The following LRRC4C variants were observed in gnomAD, a reference collection of about 807,000 sequenced individuals.
The protein encoded by LRRC4C is leucine-rich repeat-containing protein 4C.
LRRC4C carries 5 observed loss-of-function variants against 33.6 expected under a neutral mutation model. The ratio of observed to expected loss-of-function variants is 0.15; its 90% CI spans 0.08 to 0.31. The LOEUF (loss-of-function observed/expected upper bound fraction) is 0.31, where lower values mean the gene tolerates loss of function less well. Ranked by LOEUF, LRRC4C falls within the 10% of genes least tolerant of loss-of-function variation. The probability of loss-of-function intolerance (pLI) is 1.00; values close to 1 mark genes in which losing one functional copy is unlikely to be tolerated. For missense variants in LRRC4C, 560 were observed against 796.7 expected (o/e 0.70, Z 3.58); for synonymous variants, 329 against 302.0 (o/e 1.09, Z -0.93).
intron 4 of LRRC4C, among the ~76,000 whole-genome samples, chr11:40,252,807 T>G (rs1866893165): frequency 6.6e-6 from 1 of 152,184 alleles, no homozygotes; most frequent in Non-Finnish European, 1.5e-5. Context: ...TATGGCATAT[T>G]TTATGTTTAT....
chr11:40,228,658 T>C (rs980045138), intron 5 of LRRC4C, among the ~76,000 whole-genome samples: 1 of 152,194 alleles, frequency 6.6e-6, no homozygotes, highest in Non-Finnish European at 1.5e-5. Context: ...ATCCCTTGCT[T>C]GTGGAAGAAT....
chr11:40,777,585 C>T (rs1950057035), intron 2 of LRRC4C, among the ~76,000 whole-genome samples: 4 of 149,770 alleles, frequency 2.7e-5, no homozygotes, highest in African/African-American at 2.5e-5. Flanking sequence ...TTTCTGTTTG[C>T]ATGGTAAATC....
intron 5 of LRRC4C, among the ~76,000 whole-genome samples, chr11:40,207,440 A>G (rs1423313352): frequency 6.6e-6 from 1 of 152,068 alleles, no homozygotes; most frequent in Admixed American, 6.6e-5. Flanking sequence ...CATCCCTACA[A>G]ATGATTTAAA....
In LRRC4C at chr11:40,245,463, CAT is replaced by C. The variant is rs760251258; in HGVS notation, c.-175-3867_-175-3866del. Among the ~76,000 whole-genome samples the C allele has an allele frequency of 1.1e-4, 16 of 152,292 alleles. No individual in the cohort carries two copies. In the East Asian group the frequency reaches 1.2e-3, roughly 11 times the overall value. On this transcript the variant is annotated intron_variant, in intron 4 of 6. Coordinates refer to ENST00000528697, the MANE Select transcript of LRRC4C (RefSeq NM_001258419.2). ...TTTGCTTTTAATGGAAAAGCCCACA[CAT>C]GTTACAGAATCTGTACTAGTCAATG... is the stretch of plus-strand genomic sequence containing the variant.
At chr11:40,431,345 A>G (rs1454351026) in intron 3 of LRRC4C, among the ~76,000 whole-genome samples, 1 of 148,080 alleles carries the variant, frequency 6.8e-6, no homozygotes, top group Non-Finnish European at 1.5e-5. Context: ...CAGTGAGCCA[A>G]CATCGTGCCA....
intron 1 of LRRC4C, among the ~76,000 whole-genome samples, chr11:41,419,136 A>T (rs1954788447): frequency 6.6e-6 from 1 of 151,750 alleles, no homozygotes; most frequent in South Asian, 2.1e-4. Flanking sequence ...CTAAATACAA[A>T]CTTCCTGTCC....
chr11:40,948,993 G>A (rs370091863), intron 1 of LRRC4C, among the ~76,000 whole-genome samples: 6 of 151,946 alleles, frequency 3.9e-5, no homozygotes, highest in East Asian at 1.9e-4. Flanking sequence ...AACAGTGTAA[G>A]AGTGTTCCTA....
chr11:40,743,149 T>A (rs1400653893), intron 2 of LRRC4C, among the ~76,000 whole-genome samples: 1 of 152,102 alleles, frequency 6.6e-6, no homozygotes, highest in Non-Finnish European at 1.5e-5. Flanking sequence ...TATTCCCTGG[T>A]ATTCAATGAA....
intron 1 of LRRC4C, among the ~76,000 whole-genome samples, chr11:40,937,920 G>A (rs953768205): frequency 2.0e-5 from 3 of 152,024 alleles, no homozygotes; most frequent in African/African-American, 7.2e-5. Flanking sequence ...GCCTCCCAAA[G>A]TGCTGGAATT....
intron 1 of LRRC4C, among the ~76,000 whole-genome samples, chr11:41,010,484 A>T (rs1321675221): frequency 6.6e-6 from 1 of 152,198 alleles, no homozygotes; most frequent in Non-Finnish European, 1.5e-5. Flanking sequence ...ACACAGGCAA[A>T]GCCCTTGGAT....
At chr11:40,470,514 C>G (rs1223175356) in intron 3 of LRRC4C, among the ~76,000 whole-genome samples, 1 of 152,156 alleles carries the variant, frequency 6.6e-6, no homozygotes, top group Non-Finnish European at 1.5e-5. Context: ...AGCAAGGGAA[C>G]AAAACTGGAC....
At chr11:40,190,458 C>T (rs553590128) in intron 5 of LRRC4C, among the ~76,000 whole-genome samples, 2 of 152,356 alleles carry the variant, frequency 1.3e-5, no homozygotes, top group East Asian at 3.9e-4. Context: ...ATTATGTCCT[C>T]ATGCCATCAC....
intron 2 of LRRC4C, among the ~76,000 whole-genome samples, chr11:40,845,453 A>G (rs1219688887): frequency 6.6e-6 from 1 of 152,104 alleles, no homozygotes; most frequent in Non-Finnish European, 1.5e-5. Flanking sequence ...TTCCTGTGTT[A>G]GTTTGCTGAG....
In LRRC4C at chr11:41,305,301, G is replaced by A. The variant is rs1228761025; in HGVS notation, c.-496+154130C>T. The stretch of plus-strand genomic sequence containing the variant: ...TGGGGGAGGGTCAGCCCCCCTGCCC[G>A]GCCAGCCGCCCCATCCGGGAGGTGA... On this transcript the variant is annotated intron_variant, in intron 1 of 6. Coordinates refer to ENST00000528697, the MANE Select transcript of LRRC4C (RefSeq NM_001258419.2). Among the ~76,000 whole-genome samples the A allele has an allele frequency of 3.8e-5, 2 of 52,270 alleles. 1 individual carries two copies. Among genetic ancestry groups the A allele is most frequent in the Non-Finnish European group, 1.1e-4 (2 of 18,362 alleles). The allele number at this position is 52,270 out of a possible 152,430, so 34.3% of individuals were successfully genotyped here.
chr11:41,059,597 A>G (rs1166778810), intron 1 of LRRC4C, among the ~76,000 whole-genome samples: 2 of 151,866 alleles, frequency 1.3e-5, no homozygotes, highest in East Asian at 3.9e-4. Context: ...TTTTCTTTTT[A>G]CACCTTTTAG....
At chr11:41,180,935 C>A (rs185051118) in intron 1 of LRRC4C, among the ~76,000 whole-genome samples, 14 of 151,934 alleles carry the variant, frequency 9.2e-5, no homozygotes, top group South Asian at 4.1e-4. Flanking sequence ...TAGATCTTAG[C>A]GCACATCCTC....
intron 3 of LRRC4C, among the ~76,000 whole-genome samples, chr11:40,546,436 T>C (rs896888617): frequency 6.6e-6 from 1 of 152,076 alleles, no homozygotes; most frequent in East Asian, 1.9e-4. Context: ...CTCTAGAATA[T>C]AGAGCCACAT....
At chr11:41,264,849 C>A (rs1949098201) in intron 1 of LRRC4C, among the ~76,000 whole-genome samples, 1 of 152,122 alleles carries the variant, frequency 6.6e-6, no homozygotes, top group Non-Finnish European at 1.5e-5. Flanking sequence ...CTTAAAATTA[C>A]AAATGGTAGT....
At chr11:40,636,320 A>C (rs1453997555) in intron 3 of LRRC4C, among the ~76,000 whole-genome samples, 2 of 152,164 alleles carry the variant, frequency 1.3e-5, no homozygotes, top group South Asian at 4.1e-4. Context: ...CACTCAGCCT[A>C]AGGAGTATGG....
Sources: gnomAD v4.1 joint callset for allele counts (sites outside exome capture counted in the v4.1 genomes callset) on GRCh38, gnomAD v4.1.1 for gene constraint, MANE v1.5 for transcripts, NCBI Gene and HGNC (gene_info 2026-07-23, HGNC 2026-07-21) for gene names.